HYCC1: variants seen among roughly 807,000 people sequenced by gnomAD.
The protein encoded by HYCC1 is hyccin PI4KA lipid kinase complex subunit 1.
chr7:22,938,097 T>G, the HYCC1 span: 1 of 152,228 alleles, frequency 6.6e-6, no homozygotes, highest in African/African-American at 2.4e-5. Flanking sequence ...AGTTGTTTAT[T>G]CCAGGAAATC....
the HYCC1 span, among the ~76,000 whole-genome samples, chr7:22,898,462 T>C: frequency 1.3e-5 from 2 of 152,104 alleles, no homozygotes; most frequent in Non-Finnish European, 1.5e-5. Flanking sequence ...TCTGCCTGAC[T>C]TGGCCTCCCA....
the HYCC1 span, chr7:23,014,107 G>A: frequency 4.3e-6 from 2 of 469,376 alleles, no homozygotes; most frequent in African/African-American, 2.0e-5. Flanking sequence ...AGCCGGGAGA[G>A]CCACCACTGC....
At chr7:22,953,154 A>G in the HYCC1 span, among the ~76,000 whole-genome samples, 2 of 151,950 alleles carry the variant, frequency 1.3e-5, no homozygotes, top group Non-Finnish European at 2.9e-5. Flanking sequence ...AATCCAATAG[A>G]GAATTGCAAC....
chr7:22,980,763 T>C, the HYCC1 span, among the ~76,000 whole-genome samples: 10 of 152,120 alleles, frequency 6.6e-5, no homozygotes, highest in Admixed American at 2.6e-4. Flanking sequence ...CTCTCTGGAC[T>C]CCCGACTCCT....
At chr7:22,916,416 G>T in the HYCC1 span, among the ~76,000 whole-genome samples, 38,226 of 151,842 alleles carry the variant, frequency 0.25, 4,960 homozygotes, top group East Asian at 0.48. Flanking sequence ...TTAAAAAACA[G>T]CCCTAAAAGC....
the HYCC1 span, among the ~76,000 whole-genome samples, chr7:22,906,879 T>C: frequency 3.3e-5 from 5 of 151,502 alleles, no homozygotes; most frequent in Admixed American, 2.0e-4. Context: ...CTATTAAAAA[T>C]TGAAAAAGAA....
At chr7:22,953,583 C>T in the HYCC1 span, among the ~76,000 whole-genome samples, 1 of 151,690 alleles carries the variant, frequency 6.6e-6, no homozygotes, top group Non-Finnish European at 1.5e-5. Flanking sequence ...TCTTTCTTTC[C>T]TCTCTCAAAC....
At chr7:23,011,537 G>A in the HYCC1 span, among the ~76,000 whole-genome samples, 36 of 152,200 alleles carry the variant, frequency 2.4e-4, no homozygotes, top group East Asian at 5.2e-3. Context: ...CCACAGTAAA[G>A]GTCTAAAATA....
chr7:22,956,193 G>A, the HYCC1 span, among the ~76,000 whole-genome samples: 2 of 151,656 alleles, frequency 1.3e-5, no homozygotes, highest in Non-Finnish European at 3.0e-5. Context: ...TAGGTGACTT[G>A]AAAATCTATG....
At chr7:22,900,335 T>C in the HYCC1 span, among the ~76,000 whole-genome samples, 1 of 152,234 alleles carries the variant, frequency 6.6e-6, no homozygotes, top group Non-Finnish European at 1.5e-5. Flanking sequence ...ACCCTCCTTC[T>C]TTCCTACTAG....
chr7:23,002,162 A>ATATATAAAAT, the HYCC1 span, among the ~76,000 whole-genome samples: 1 of 35,490 alleles, frequency 2.8e-5, no homozygotes, highest in African/African-American at 1.3e-4. Context: ...ATATATATAT[A>ATATATAAAAT]TATATATATA....
At chr7:22,938,411 C>T in the HYCC1 span, 1 of 152,220 alleles carries the variant, frequency 6.6e-6, no homozygotes, top group African/African-American at 2.4e-5. Flanking sequence ...CAAAGCCCTA[C>T]AAATAATCTT....
the HYCC1 span, chr7:23,013,960 G>A: frequency 2.1e-6 from 1 of 470,690 alleles, no homozygotes; most frequent in Non-Finnish European, 4.4e-6. Context: ...GCAGGACCTC[G>A]ACTCGTGAGG....
chr7:22,950,735 G>T, the HYCC1 span, among the ~76,000 whole-genome samples: 65 of 151,906 alleles, frequency 4.3e-4, no homozygotes, highest in African/African-American at 1.5e-3. Context: ...TTATCCAGAG[G>T]ATGGCATATA....
the HYCC1 span, among the ~76,000 whole-genome samples, chr7:22,961,867 G>C: frequency 2.0e-5 from 3 of 152,004 alleles, no homozygotes; most frequent in East Asian, 5.8e-4. Flanking sequence ...ATGTGTGTGT[G>C]TGTGCATGTG....
At chr7:22,944,795 A>T in the HYCC1 span, 3 of 152,468 alleles carry the variant, frequency 2.0e-5, no homozygotes, top group Non-Finnish European at 4.4e-5. Context: ...TTTACAGCCT[A>T]TTATACCTTA....
chr7:22,988,324 CATTTT>C, the HYCC1 span, among the ~76,000 whole-genome samples: 1 of 152,148 alleles, frequency 6.6e-6, no homozygotes, highest in Non-Finnish European at 1.5e-5. Flanking sequence ...ACTTAAACTA[CATTTT>C]ATTTCCTGCA....
At chr7:22,898,248 C>CTG in the HYCC1 span, among the ~76,000 whole-genome samples, 20 of 151,740 alleles carry the variant, frequency 1.3e-4, no homozygotes, top group African/African-American at 4.8e-4. Context: ...GAGTCTCACT[C>CTG]TGTCACCCAG....
chr7:22,926,271 C>G, the HYCC1 span, among the ~76,000 whole-genome samples: 1 of 152,102 alleles, frequency 6.6e-6, no homozygotes, highest in Non-Finnish European at 1.5e-5. Context: ...GAAACTGCAT[C>G]AACTAACGAG....
Sources: allele counts gnomAD v4.1 joint callset (sites outside exome capture counted in the v4.1 genomes callset), GRCh38; gene constraint gnomAD v4.1.1; transcripts MANE v1.5; gene names NCBI Gene and HGNC (gene_info 2026-07-23, HGNC 2026-07-21).